PPP1R13B: variants seen among roughly 807,000 people sequenced by gnomAD.
PPP1R13B encodes apoptosis-stimulating of p53 protein 1.
In PPP1R13B, 44 loss-of-function variants were observed where a neutral mutation model predicts 119.8. The ratio of observed to expected loss-of-function variants is 0.37; its 90% CI spans 0.29 to 0.47. PPP1R13B has a LOEUF of 0.47. Ranked by LOEUF, PPP1R13B falls within the 20% of genes least tolerant of loss-of-function variation. The pLI, the probability that PPP1R13B is intolerant of heterozygous loss-of-function variation, is 0.99. For synonymous variants in PPP1R13B, 542 were observed against 561.5 expected, an observed-to-expected ratio of 0.97 and a Z score of 0.49; for missense variants, 1,227 against 1,413.5, an observed-to-expected ratio of 0.87 and a Z score of 2.12.
intron 1 of PPP1R13B, among the ~76,000 whole-genome samples, chr14:103,831,702 A>C (rs369436552): frequency 6.6e-5 from 10 of 151,640 alleles, no homozygotes; most frequent in Admixed American, 2.6e-4. Context: ...TTGGGAGGCC[A>C]AGGTGGGTGG....
intron 3 of PPP1R13B, among the ~76,000 whole-genome samples, chr14:103,779,672 T>C (rs1333527314): frequency 6.6e-6 from 1 of 151,316 alleles, no homozygotes; most frequent in Non-Finnish European, 1.5e-5. Context: ...GTGCCTGTAG[T>C]CCCAGCCACT....
chr14:103,757,695 C>T lies in PPP1R13B; in HGVS notation c.411G>A (p.Arg137=), dbSNP rs776611491. ...TLSELQDMAA[R]QQQQIENQQQ... ...GCTGATTTTCAATCTGCTGCTGTTG[C>T]CTAGCTGCCATATCTTGGAGCTCTG... The change falls in exon 5 of 17, where the codon AGG becomes AGA. Residue 137 remains arginine (R), a synonymous_variant. Coordinates refer to ENST00000202556, the MANE Select transcript of PPP1R13B (RefSeq NM_015316.3). The T allele has an allele frequency of 3.1e-6, 5 of 1,614,056 alleles. No homozygotes were observed. The South Asian group carries it at 5.5e-5, about 18-fold the overall frequency.
At chr14:103,748,917 G>T (rs201300308) in intron 8 of PPP1R13B, among the ~76,000 whole-genome samples, 1 of 152,236 alleles carries the variant, frequency 6.6e-6, no homozygotes, top group East Asian at 1.9e-4. Flanking sequence ...AGTGAGACTA[G>T]TGTAATTCCT....
chr14:103,787,511 G>A (rs1367121277), intron 2 of PPP1R13B, among the ~76,000 whole-genome samples: 2 of 149,538 alleles, frequency 1.3e-5, no homozygotes, highest in East Asian at 2.0e-4. Flanking sequence ...CTGAAAAGCT[G>A]GCATATAAAA....
At chr14:103,735,273 T>A in intron 16 of PPP1R13B, 78 bp from the exon 17 acceptor site, 1 of 1,430,764 alleles carries the variant, frequency 7.0e-7, no homozygotes, top group South Asian at 1.1e-5. Context: ...CCCCTGCTCC[T>A]CACCTCAGCC....
At chr14:103,789,731 C>G (rs1595776113) in intron 2 of PPP1R13B, among the ~76,000 whole-genome samples, 1 of 151,770 alleles carries the variant, frequency 6.6e-6, no homozygotes, top group African/African-American at 2.4e-5. Context: ...CCAGGCTGGT[C>G]TCAAACCACT....
chr14:103,763,193 G>A (rs1194967024), intron 4 of PPP1R13B: 6 of 590,528 alleles, frequency 1.0e-5, no homozygotes, highest in South Asian at 8.1e-5. Flanking sequence ...ATAAAATGTG[G>A]AATGTGTCCA....
At chr14:103,805,587 A>G (rs1352130216) in intron 1 of PPP1R13B, among the ~76,000 whole-genome samples, 1 of 151,900 alleles carries the variant, frequency 6.6e-6, no homozygotes, top group Admixed American at 6.6e-5. Context: ...AAGGAAGGAA[A>G]GAAGGAAGGA....
chr14:103,804,122 T>A, intron 1 of PPP1R13B: 1 of 880,076 alleles, frequency 1.1e-6, no homozygotes. Flanking sequence ...TTGGAAAATA[T>A]CATACTAGAC....
chr14:103,791,704 A>G (rs974171164), intron 2 of PPP1R13B, among the ~76,000 whole-genome samples: 6 of 152,232 alleles, frequency 3.9e-5, no homozygotes, highest in Admixed American at 6.5e-5. Context: ...AGCCTGGGAC[A>G]GAGCAAGACT....
intron 1 of PPP1R13B, among the ~76,000 whole-genome samples, chr14:103,838,670 C>T (rs752373127): frequency 1.3e-5 from 2 of 152,172 alleles, no homozygotes; most frequent in Admixed American, 6.5e-5. Context: ...AAGGCAGAGA[C>T]GGTGAAAACT....
chr14:103,746,617 G>C, intron 8 of PPP1R13B, 64 bp from the exon 9 acceptor site: 1 of 1,332,990 alleles, frequency 7.5e-7, no homozygotes. Flanking sequence ...TAAGCTTAGT[G>C]CAAGAGACTG....
chr14:103,745,997 G>A (rs2084376780), intron 9 of PPP1R13B, among the ~76,000 whole-genome samples: 1 of 152,144 alleles, frequency 6.6e-6, no homozygotes, highest in African/African-American at 2.4e-5. Flanking sequence ...GTAAAGACAG[G>A]GTTTCACCAT....
At chr14:103,795,263 G>A (rs969360028) in intron 2 of PPP1R13B, among the ~76,000 whole-genome samples, 3 of 152,086 alleles carry the variant, frequency 2.0e-5, no homozygotes, top group Non-Finnish European at 2.9e-5. Flanking sequence ...TAAATACAAC[G>A]ACAGTATTAG....
intron 3 of PPP1R13B, among the ~76,000 whole-genome samples, chr14:103,779,340 G>A (rs555179182): frequency 2.4e-4 from 36 of 152,160 alleles, no homozygotes; most frequent in African/African-American, 8.4e-4. Flanking sequence ...GAAATAAAGT[G>A]TGTAAATGAA....
chr14:103,747,999 C>T (rs760593983), intron 8 of PPP1R13B, among the ~76,000 whole-genome samples: 5 of 151,966 alleles, frequency 3.3e-5, no homozygotes, highest in African/African-American at 9.7e-5. Context: ...TCCACGCTGC[C>T]GGCCGCCCTC....
At position 103,797,329 on chromosome 14, in the gene PPP1R13B, G is replaced by A. The variant is rs1285420873; in HGVS notation, c.157+42C>T. On this transcript the variant is annotated intron_variant, in intron 2 of 16. Coordinates refer to ENST00000202556, the MANE Select transcript of PPP1R13B (RefSeq NM_015316.3). ...AAGCTTAGCTAAAAGATGGTGATTT[G>A]ATTTTATCAATGTAACAATCTTTAC... 7 of 1,526,764 alleles carry A rather than the reference G, an allele frequency of 4.6e-6. No individual in the cohort carries two copies. The Admixed American group carries it at 1.4e-4, about 31-fold the overall frequency. 94.6% of individuals were successfully genotyped at this position (1,526,764 alleles called of 1,614,324 possible). A position where few individuals can be genotyped will look rare whatever the true frequency, so the allele number is the denominator to read the frequency against.
intron 7 of PPP1R13B, among the ~76,000 whole-genome samples, chr14:103,750,205 G>A (rs528122291): frequency 2.0e-5 from 3 of 152,160 alleles, no homozygotes; most frequent in East Asian, 1.9e-4. Flanking sequence ...AGACTAGTGC[G>A]GTGTTTGGGA....
intron 1 of PPP1R13B, among the ~76,000 whole-genome samples, chr14:103,813,935 G>A (rs918790261): frequency 6.6e-6 from 1 of 152,082 alleles, no homozygotes; most frequent in Non-Finnish European, 1.5e-5. Context: ...ATCATTTATT[G>A]GTACTTATTA....
Sources: allele counts gnomAD v4.1 joint callset (sites outside exome capture counted in the v4.1 genomes callset), GRCh38; gene constraint gnomAD v4.1.1; transcripts MANE v1.5; gene names NCBI Gene and HGNC (gene_info 2026-07-23, HGNC 2026-07-21).